TRANK1: variants seen among roughly 807,000 people sequenced by gnomAD.
TRANK1 encodes the protein tetratricopeptide repeat and ankyrin repeat containing 1.
In TRANK1, 198 loss-of-function variants were observed where a neutral mutation model predicts 266.0. The ratio of observed to expected loss-of-function variants is 0.74; its 90% confidence interval spans 0.66 to 0.84. The LOEUF (loss-of-function observed/expected upper bound fraction) is 0.84, where lower values mean the gene tolerates loss of function less well. TRANK1 is among the 40% of genes least tolerant of loss of function. The pLI, the probability that TRANK1 is intolerant of heterozygous loss-of-function variation, is 0.00. For missense variants in TRANK1, 3,326 were observed against 3,634.6 expected, an observed-to-expected ratio of 0.92 and a Z score of 2.18; for synonymous variants, 1,396 against 1,384.1, an observed-to-expected ratio of 1.01 and a Z score of -0.19.
rs1394651050 is a variant in TRANK1 at position 36,851,724 on chromosome 3, A to T, written c.4882T>A (p.Ser1628Thr). 6.2e-7 allele frequency: 1 copy of T among 1,611,014 alleles called. No homozygotes were observed. Residue 1628 changes from serine (S) to threonine (T), a missense_variant, in exon 15 of 24, where the codon TCT becomes ACT. Physicochemically the swap from Ser to Thr is moderately conservative, Grantham distance 58. Coordinates refer to ENST00000645898, the MANE Select transcript of TRANK1 (RefSeq NM_001329998.2). ...DVLLYNFFTDSEAYKEWKIIS... is the reference protein window; with the variant it reads ...DVLLYNFFTDTEAYKEWKIIS... ...AAGAATTAGGTGTGACATACCTCAG[A>T]ATCAGTAAAAAAGTTGTAAAGGAGG...
chr3:36,842,070 C>A (rs2125521058), intron 18 of TRANK1, among the ~76,000 whole-genome samples: 1 of 152,224 alleles, frequency 6.6e-6, no homozygotes, highest in African/African-American at 2.4e-5. Context: ...AACCTGGTTT[C>A]AAAATGTAAA....
intron 13 of TRANK1, among the ~76,000 whole-genome samples, chr3:36,854,620 T>A (rs1444610299): frequency 6.6e-6 from 1 of 152,258 alleles, no homozygotes; most frequent in African/African-American, 2.4e-5. Flanking sequence ...AAAATGGGTC[T>A]GATGCTTACC....
chr3:36,857,251 G>A lies in TRANK1; in HGVS notation c.2471C>T (p.Ala824Val). 6.2e-7 allele frequency: 1 copy of A among 1,612,502 alleles called. No homozygotes were observed. Among genetic ancestry groups the A allele is most frequent in the Non-Finnish European group, 8.5e-7 (1 of 1,179,144 alleles). The change falls in exon 13 of 24, where the codon GCC (alanine) becomes GTC (valine). Residue 824 changes from alanine (A) to valine (V), a missense_variant. Transcript: ENST00000645898. The surrounding 1 kb of genome is among the most constrained non-coding windows in gnomAD (Gnocchi z 4.3). ...QDDWSTQEIE[A>V]CLQDFDNMTW... is the part of the protein sequence containing the mutation. ...CATGTTATCGAAGTCCTGGAGGCAG[G>A]CCTCAATCTCCTGCGTGCTCCAGTC...
intron 1 of TRANK1, 178 bp from the exon 2 acceptor site, chr3:36,908,632 A>G (rs1199137441): frequency 8.1e-7 from 1 of 1,227,284 alleles, no homozygotes; most frequent in Non-Finnish European, 1.0e-6. Flanking sequence ...GTCTGACAAG[A>G]CTATTTCTTT....
chr3:36,846,009 A>G (rs1430577362), intron 17 of TRANK1, among the ~76,000 whole-genome samples: 1 of 152,142 alleles, frequency 6.6e-6, no homozygotes, highest in Non-Finnish European at 1.5e-5. Context: ...CCTGTCCATA[A>G]TCCCCACTTT....
rs2079869197 is a variant in TRANK1 at position 36,900,876 on chromosome 3, A to AG, written c.283-1618dup. On this transcript the variant is annotated intron_variant, in intron 3 of 23. Coordinates refer to ENST00000645898, the MANE Select transcript of TRANK1 (RefSeq NM_001329998.2). ...CAAAAAAAAAAAAAAAAAAAAAAAA[A>AG]GATAACAGGTGTTCACCAACTGGGT... Among the ~76,000 whole-genome samples the AG allele has an allele frequency of 3.5e-5, 5 of 141,434 alleles. No homozygotes were observed. In the East Asian group the frequency reaches 1.1e-3, roughly 31 times the overall value. The allele number at this position is 141,434 out of a possible 152,430, so 92.8% of individuals were successfully genotyped here.
intron 1 of TRANK1, among the ~76,000 whole-genome samples, chr3:36,940,988 G>A (rs970505374): frequency 3.9e-5 from 6 of 152,262 alleles, no homozygotes; most frequent in East Asian, 3.9e-4. Flanking sequence ...ACCTTCATGG[G>A]CAGAAGATGA....
intron 9 of TRANK1, among the ~76,000 whole-genome samples, chr3:36,873,832 C>CT (rs1177013257): frequency 6.4e-4 from 95 of 149,402 alleles, no homozygotes; most frequent in Admixed American, 3.2e-3. Context: ...AATTTTTTTC[C>CT]TTTTTTTGCT....
intron 18 of TRANK1, among the ~76,000 whole-genome samples, chr3:36,842,343 A>G (rs1338583155): frequency 6.6e-6 from 1 of 152,256 alleles, no homozygotes; most frequent in Non-Finnish European, 1.5e-5. Flanking sequence ...GAAAATATAT[A>G]CAAGGATTCC....
intron 7 of TRANK1, 37 bp downstream of exon 7, chr3:36,892,165 G>A: frequency 1.3e-6 from 2 of 1,532,286 alleles, no homozygotes. Flanking sequence ...AGGCTAGAAG[G>A]GCAGCTTGGA....
chr3:36,898,162 T>C (rs973638959), intron 4 of TRANK1, among the ~76,000 whole-genome samples: 2 of 152,126 alleles, frequency 1.3e-5, no homozygotes, highest in African/African-American at 4.8e-5. Flanking sequence ...TGTGAAAAAG[T>C]ACAGGAAAGT....
Position 36,856,119 on chromosome 3 carries a change from C to G in TRANK1, c.3603G>C (p.Leu1201=), listed in dbSNP as rs1177283806. ...HQIFVTKNHV[L]CQEVQRNFIE... ...TGAAATTCCTTTGTACCTCCTGGCA[C>G]AGCACATGGTTCTTGGTCACAAAGA... The change falls in exon 13 of 24, where the codon CTG becomes CTC. Residue 1201 remains leucine (L), a synonymous_variant. Transcript: ENST00000645898. 1.2e-6 allele frequency: 2 copies of G among 1,613,858 alleles called. No individual in the cohort carries two copies. The highest frequency in any genetic ancestry group is 1.3e-5 in the African/African-American group (1 of 74,996).
Position 36,908,318 on chromosome 3 carries a change from C to T in TRANK1, c.155+5G>A. On this transcript the variant is annotated splice_donor_5th_base_variant and intron_variant, in intron 2 of 23. Transcript: ENST00000645898. Reference sequence around the variant, plus strand: ...AAAAGATGAGGTGAAAATGCAAACACTTACCCCCACTGGTATAACTGCAGG... The same window carrying T: ...AAAAGATGAGGTGAAAATGCAAACATTTACCCCCACTGGTATAACTGCAGG... The T allele has an allele frequency of 8.1e-7, 1 of 1,232,218 alleles. No homozygotes were observed. The highest frequency in any genetic ancestry group is 1.0e-6 in the Non-Finnish European group (1 of 987,984). The allele number at this position is 1,232,218 out of a possible 1,614,324, so 76.3% of individuals were successfully genotyped here. A position where few individuals can be genotyped will look rare whatever the true frequency, so the allele number is the denominator to read the frequency against.
chr3:36,900,781 C>T (rs1167561748), intron 3 of TRANK1, among the ~76,000 whole-genome samples: 4 of 139,100 alleles, frequency 2.9e-5, no homozygotes, highest in Admixed American at 8.1e-5. Context: ...ATTCCAGAGG[C>T]GGAGGGAGGA....
At chr3:36,854,790 G>A (rs1283576604) in intron 13 of TRANK1, among the ~76,000 whole-genome samples, 1 of 151,176 alleles carries the variant, frequency 6.6e-6, no homozygotes, top group Non-Finnish European at 1.5e-5. Flanking sequence ...CTTCTCTTTG[G>A]GAGAAAACCT....
chr3:36,876,036 A>G (rs2079383834), intron 8 of TRANK1, among the ~76,000 whole-genome samples: 1 of 152,264 alleles, frequency 6.6e-6, no homozygotes, highest in Admixed American at 6.5e-5. Context: ...AGAGAGGTAC[A>G]CAGGTTTTCA....
chr3:36,927,571 G>C (rs892444588), intron 1 of TRANK1, among the ~76,000 whole-genome samples: 5 of 152,126 alleles, frequency 3.3e-5, no homozygotes, highest in Non-Finnish European at 4.4e-5. Flanking sequence ...TTTGTCTCCT[G>C]GCAGTCAGCT....
chr3:36,834,690 A>C, intron 21 of TRANK1, 72 bp downstream of exon 21: 3 of 1,542,900 alleles, frequency 1.9e-6, no homozygotes, highest in Non-Finnish European at 2.6e-6. Context: ...GGATAGCACC[A>C]CCCAGAGCAG....
At chr3:36,842,818 T>TA in intron 17 of TRANK1, 108 bp from the exon 18 acceptor site, 1 of 971,384 alleles carries the variant, frequency 1.0e-6, no homozygotes, top group Non-Finnish European at 1.6e-6. Context: ...ATTCACTTGT[T>TA]AAAGTCCTAA....
Sources: gnomAD v4.1 joint callset for allele counts (sites outside exome capture counted in the v4.1 genomes callset) on GRCh38, gnomAD v4.1.1 for gene constraint, Gnocchi (gnomAD v3.1) non-coding constraint, MANE v1.5 for transcripts, NCBI Gene and HGNC (gene_info 2026-07-23, HGNC 2026-07-21) for gene names.